NCOR2: variants seen among roughly 807,000 people sequenced by gnomAD.
NCOR2 encodes the protein CTG repeat protein 26.
Under a neutral mutation model 262.9 loss-of-function variants are expected in NCOR2, and 81 were observed. That is an observed-to-expected ratio of 0.31 (90% CI 0.26 to 0.37). NCOR2 has a LOEUF of 0.37. Among genes scored for constraint, NCOR2 ranks in the 10% least tolerant of loss-of-function variants. NCOR2 has a pLI of 1.00. For missense variants in NCOR2, 3,385 were observed against 3,621.4 expected (o/e 0.93, Z 1.68); for synonymous variants, 1,659 against 1,559.3 (o/e 1.06, Z -1.51).
chr12:124,367,337 AG>A (rs2039119578), intron 20 of NCOR2, among the ~76,000 whole-genome samples: 1 of 152,156 alleles, frequency 6.6e-6, no homozygotes, highest in Admixed American at 6.5e-5. Context: ...GTGGTCATGG[AG>A]GTACCACTTT....
intron 42 of NCOR2, 100 bp downstream of exon 44, chr12:124,333,030 C>T (rs865989933): frequency 2.7e-6 from 4 of 1,454,914 alleles, no homozygotes; most frequent in South Asian, 1.4e-5. Flanking sequence ...GAGCCCTGTG[C>T]CCTTGTCACT....
intron 1 of NCOR2, among the ~76,000 whole-genome samples, chr12:124,489,059 C>A (rs914404051): frequency 6.6e-6 from 1 of 152,014 alleles, no homozygotes; most frequent in African/African-American, 2.4e-5. Context: ...AGCAGGTCAC[C>A]AGGGTTGAGC....
At chr12:124,356,874 G>A in intron 22 of NCOR2, 92 bp from the exon 25 acceptor site, 2 of 1,376,466 alleles carry the variant, frequency 1.5e-6, no homozygotes, top group Non-Finnish European at 1.9e-6. Flanking sequence ...TGGCCTTCCT[G>A]CACCCACAGT....
intron 22 of NCOR2, among the ~76,000 whole-genome samples, chr12:124,361,125 A>AC (rs2038557125): frequency 5.7e-5 from 1 of 17,648 alleles, no homozygotes; most frequent in African/African-American, 9.4e-5. Flanking sequence ...TCTCAAACAA[A>AC]AAAAAAAAAA....
rs2048321070 is a variant in NCOR2 at position 124,495,209 on chromosome 12, T to C, written c.43A>G (p.Thr15Ala). ...CTGTGGGGCGGGTAGCGGGGCTCAG[T>C]GGCCCTCCACGTCTGTGCCACAGGC... is the stretch of plus-strand genomic sequence containing the variant. The change falls in exon 1 of 47, where the codon ACT becomes GCT. Residue 15 changes from threonine to alanine, a missense_variant. Coordinates refer to ENST00000405201, the Ensembl canonical transcript of NCOR2. This position sits in a 1 kb window ranked among gnomAD's most constrained non-coding sequence, Gnocchi z 4.4. 1 of 1,613,860 alleles carries C rather than the reference T, an allele frequency of 6.2e-7. No homozygotes were observed. The highest frequency in any genetic ancestry group is 8.5e-7 in the Non-Finnish European group (1 of 1,179,916).
intron 5 of NCOR2, 96 bp downstream of exon 7, chr12:124,466,077 C>T (rs1019337520): frequency 8.2e-7 from 1 of 1,225,194 alleles, no homozygotes; most frequent in Non-Finnish European, 1.1e-6. Flanking sequence ...CCCCTCCCCA[C>T]ATAGATGGAA....
At chr12:124,341,644 A>T (rs2036469416) in intron 34 of NCOR2, among the ~76,000 whole-genome samples, 179 bp downstream of exon 36, 1 of 152,144 alleles carries the variant, frequency 6.6e-6, no homozygotes, top group South Asian at 2.1e-4. Flanking sequence ...GCACTCACCT[A>T]CCAGATGCCA....
At position 124,483,720 on chromosome 12, in the gene NCOR2, C is replaced by A. The variant is rs766153237; in HGVS notation, c.287G>T (p.Gly96Val). ...TTCAATGAACTCCATCTCTGACTTC[C>A]CCAGCTCGGGCAGGTATGAGTGGGA... Residue 96 changes from glycine to valine, a missense_variant, in exon 3 of 47, where the codon GGG becomes GTG. By Grantham distance (109) the Gly-to-Val change is moderately radical. This residue lies in a region of NCOR2 where 237 missense variants were observed against 229.4 expected (regional missense o/e 1.03). Transcript: ENST00000405201. This position sits in a 1 kb window ranked among gnomAD's most constrained non-coding sequence, Gnocchi z 6.3. 2 of 1,611,534 alleles carry A rather than the reference C, an allele frequency of 1.2e-6. No homozygotes were observed. Among genetic ancestry groups the A allele is most frequent in the Non-Finnish European group, 1.7e-6 (2 of 1,178,908 alleles).
chr12:124,385,682 G>A, intron 17 of NCOR2, 63 bp downstream of exon 19: 2 of 1,590,806 alleles, frequency 1.3e-6, no homozygotes, highest in Non-Finnish European at 8.6e-7. Flanking sequence ...GACATCTCCT[G>A]AGGCAGTCTG....
chr12:124,414,861 G>A (rs1352023834), intron 13 of NCOR2, among the ~76,000 whole-genome samples: 3 of 152,354 alleles, frequency 2.0e-5, no homozygotes, highest in East Asian at 1.9e-4. Context: ...GAGGGAGAGA[G>A]AAGCATGGAC....
chr12:124,450,410 G>A (rs2045446443), intron 6 of NCOR2, among the ~76,000 whole-genome samples: 1 of 152,192 alleles, frequency 6.6e-6, no homozygotes, highest in African/African-American at 2.4e-5. Context: ...AGAGACAACA[G>A]CCACTACCTG....
At position 124,332,319 on chromosome 12, in the gene NCOR2, T is replaced by C. The variant is rs138341911; in HGVS notation, c.6904A>G (p.Asn2302Asp). 3.1e-6 allele frequency: 5 copies of C among 1,614,076 alleles called. No individual in the cohort carries two copies. In the East Asian group the frequency reaches 8.9e-5, roughly 29 times the overall value. Reference sequence around the variant, plus strand: ...CCCCGGGAGCCTGCAGGCCCCTTACTGTATTCAGGCTCATTCCGGTTGTGG... The same window carrying C: ...CCCCGGGAGCCTGCAGGCCCCTTACCGTATTCAGGCTCATTCCGGTTGTGG... Residue 2302 changes from asparagine to aspartate, a missense_variant and splice_region_variant, in exon 43 of 47, where the codon AAT becomes GAT. Asn to Asp is a conservative substitution (Grantham distance 23, BLOSUM62 1). Transcript: ENST00000405201.
chr12:124,333,056 C>A, intron 42 of NCOR2, 74 bp downstream of exon 44: 1 of 1,507,244 alleles, frequency 6.6e-7, no homozygotes, highest in East Asian at 2.3e-5. Flanking sequence ...CATGGCACCA[C>A]GGTGGACTGG....
At chr12:124,409,069 G>A (rs1417613766) in intron 13 of NCOR2, among the ~76,000 whole-genome samples, 1 of 152,226 alleles carries the variant, frequency 6.6e-6, no homozygotes, top group Non-Finnish European at 1.5e-5. Context: ...ACATTTACCA[G>A]CACTCTACGG....
Position 124,355,538 on chromosome 12 carries a change from G to A in NCOR2, c.3275C>T (p.Ala1092Val), listed in dbSNP as rs201324168. The A allele has an allele frequency of 2.2e-3, 3,471 of 1,593,006 alleles. 66 individuals are homozygous for A. Among genetic ancestry groups the A allele is most frequent in the Non-Finnish European group, 5.9e-4 (686 of 1,171,006 alleles). ...GGGTGGGCGCGGCAGGACGGGCCGG[G>A]CAGTGTCATGGAGGCCCAGGGGCAG... Residue 1092 changes from alanine to valine, a missense_variant, in exon 24 of 47, where the codon GCC becomes GTC. This residue lies in a region of NCOR2 where 1,615 missense variants were observed against 1,626.9 expected (regional missense o/e 0.99). Coordinates refer to ENST00000405201, the Ensembl canonical transcript of NCOR2.
chr12:124,330,178 C>G (rs75382802), intron 44 of NCOR2, among the ~76,000 whole-genome samples: 2,612 of 152,314 alleles, frequency 0.017, 89 homozygotes, highest in South Asian at 0.11. Flanking sequence ...CAGCCGACCC[C>G]AAAACTGCCT....
intron 17 of NCOR2, among the ~76,000 whole-genome samples, chr12:124,384,009 G>T (rs751137746): frequency 1.3e-5 from 2 of 152,214 alleles, no homozygotes; most frequent in Non-Finnish European, 2.9e-5. Context: ...CGTGGGGTGA[G>T]GGGGACAGGC....
At chr12:124,409,261 GC>G (rs1230727751) in intron 13 of NCOR2, among the ~76,000 whole-genome samples, 5 of 152,162 alleles carry the variant, frequency 3.3e-5, no homozygotes, top group Non-Finnish European at 7.3e-5. Flanking sequence ...AGGATTCCTG[GC>G]CCTGGCCCAC....
chr12:124,326,165 C>T (rs2034625397), intron 46 of NCOR2, 26 bp downstream of exon 48: 1 of 1,480,546 alleles, frequency 6.8e-7, no homozygotes, highest in Non-Finnish European at 8.9e-7. Context: ...TCAGCGAGCC[C>T]AGCCCTGTCC....
Sources: allele counts gnomAD v4.1 joint callset (sites outside exome capture counted in the v4.1 genomes callset), GRCh38; gene constraint gnomAD v4.1.1; regional missense constraint gnomAD v4.1.1; non-coding constraint Gnocchi (gnomAD v3.1); transcripts MANE v1.5; gene names NCBI Gene and HGNC (gene_info 2026-07-23, HGNC 2026-07-21).